KANK4: variants seen among roughly 807,000 people sequenced by gnomAD.
KANK4 encodes the protein KN motif and ankyrin repeat domains 4.
KANK4 carries 50 observed loss-of-function variants against 80.8 expected under a neutral mutation model. The ratio of observed to expected loss-of-function variants is 0.62; its 90% CI spans 0.49 to 0.78. The LOEUF is 0.78. KANK4 is among the 30% of genes least tolerant of loss of function. KANK4 has a pLI of 0.00. For missense variants in KANK4, 1,196 were observed against 1,240.1 expected, an observed-to-expected ratio of 0.96 and a Z score of 0.53; for synonymous variants, 465 against 506.9, an observed-to-expected ratio of 0.92 and a Z score of 1.11.
At chr1:62,290,865 C>T (rs1672664583) in intron 1 of KANK4, among the ~76,000 whole-genome samples, 1 of 151,966 alleles carries the variant, frequency 6.6e-6, no homozygotes, top group South Asian at 2.1e-4. Context: ...CTGCCTCAGT[C>T]TCCCAAATAG....
At chr1:62,314,942 C>T (rs899136370) in intron 1 of KANK4, among the ~76,000 whole-genome samples, 2 of 152,186 alleles carry the variant, frequency 1.3e-5, no homozygotes, top group African/African-American at 2.4e-5. Flanking sequence ...TCTATAACTG[C>T]CCATGTATCA....
rs1465805174 is a variant in KANK4 at position 62,268,481 on chromosome 1, C to T, written c.2037G>A (p.Glu679=). The T allele has an allele frequency of 6.2e-7, 1 of 1,613,628 alleles. No homozygotes were observed. Among genetic ancestry groups the T allele is most frequent in the African/African-American group, 1.3e-5 (1 of 74,946 alleles). ...CTGGGGTGCTGTCCTCACCGCTGGT[C>T]TCCTCACTTGAGGTGGTCTCATACC... is the stretch of plus-strand genomic sequence containing the variant. ...NGGYETTSSE[E]TSGEDSTPED... The change falls in exon 5 of 10, where the codon GAG becomes GAA. Residue 679 remains glutamate (E), a synonymous_variant. Coordinates refer to ENST00000371153, the MANE Select transcript of KANK4 (RefSeq NM_181712.5).
chr1:62,305,980 ACTCTCT>A (rs58731873), intron 1 of KANK4, among the ~76,000 whole-genome samples: 1 of 149,512 alleles, frequency 6.7e-6, no homozygotes, highest in East Asian at 2.0e-4. Flanking sequence ...CCCATTACAG[ACTCTCT>A]CTCTCTCTCT....
chr1:62,282,679 C>T (rs1193340205), intron 1 of KANK4, among the ~76,000 whole-genome samples: 1 of 152,224 alleles, frequency 6.6e-6, no homozygotes, highest in Admixed American at 6.5e-5. Context: ...AAGTTTGCCA[C>T]CAGAAAGTTT....
At chr1:62,308,296 T>A (rs928527401) in intron 1 of KANK4, among the ~76,000 whole-genome samples, 5 of 152,166 alleles carry the variant, frequency 3.3e-5, no homozygotes, top group Non-Finnish European at 7.4e-5. Context: ...GGCGCCTGCA[T>A]GGAGAGGGGC....
intron 6 of KANK4, among the ~76,000 whole-genome samples, chr1:62,265,168 T>A (rs1671990455): frequency 6.6e-6 from 1 of 151,864 alleles, no homozygotes; most frequent in South Asian, 2.1e-4. Flanking sequence ...AGAAAGACCT[T>A]AGTTCGATAA....
intron 7 of KANK4, among the ~76,000 whole-genome samples, chr1:62,256,502 C>T (rs1671754817): frequency 6.6e-6 from 1 of 152,038 alleles, no homozygotes; most frequent in Non-Finnish European, 1.5e-5. Context: ...TTTCCTGCCT[C>T]AGCCTGAATA....
At chr1:62,267,290 C>A (rs1672045096) in intron 5 of KANK4, among the ~76,000 whole-genome samples, 1 of 135,628 alleles carries the variant, frequency 7.4e-6, no homozygotes, top group Non-Finnish European at 1.6e-5. Flanking sequence ...CTAACAGAGT[C>A]AGTAATATGA....
At chr1:62,272,929 T>C in intron 3 of KANK4, 1 of 247,418 alleles carries the variant, frequency 4.0e-6, no homozygotes, top group Non-Finnish European at 7.6e-6. Flanking sequence ...TAGCTGGGAT[T>C]ACAGGCTCCT....
In KANK4 at chr1:62,256,982, T is replaced by C. The variant is rs543564571; in HGVS notation, c.2540-3773A>G. On this transcript the variant is annotated intron_variant, in intron 7 of 9. Coordinates refer to ENST00000371153, the MANE Select transcript of KANK4 (RefSeq NM_181712.5). ...AGGAGCCTCAGCTTATCAGTTCTCT[T>C]TTATCTCTTTAGAAACATGATTTTT... 5.9e-5 allele frequency among the ~76,000 whole-genome samples: 9 copies of C among 152,330 alleles called. No individual in the cohort carries two copies. The East Asian group carries it at 1.5e-3, about 26-fold the overall frequency.
In KANK4 at chr1:62,274,185, T is replaced by C. The variant is rs1557489529; in HGVS notation, c.919A>G (p.Ile307Val). 2.5e-6 allele frequency: 4 copies of C among 1,614,148 alleles called. No individual in the cohort carries two copies. Among genetic ancestry groups the C allele is most frequent in the East Asian group, 2.2e-5 (1 of 44,866 alleles). ...ELLLEEIELNISEIPPPPPVE... is the reference protein window; with the variant it reads ...ELLLEEIELNVSEIPPPPPVE... ...GGTGGCGGGGGTGGAATCTCGCTGA[T>C]GTTGAGCTCGATTTCTTCCAGGAGG... The change falls in exon 3 of 10, where the codon ATC (isoleucine) becomes GTC (valine). Residue 307 changes from isoleucine (I) to valine (V), a missense_variant. Ile to Val is a conservative substitution (Grantham distance 29). Coordinates refer to ENST00000371153, the MANE Select transcript of KANK4 (RefSeq NM_181712.5).
chr1:62,272,764 G>C (rs1557487430), intron 3 of KANK4: 1 of 152,536 alleles, frequency 6.6e-6, no homozygotes, highest in Non-Finnish European at 1.5e-5. Context: ...TATTCCACTG[G>C]GTTCCTGGAA....
intron 4 of KANK4, among the ~76,000 whole-genome samples, chr1:62,269,342 C>G (rs1672104506): frequency 6.6e-6 from 1 of 152,220 alleles, no homozygotes; most frequent in South Asian, 2.1e-4. Flanking sequence ...GACACAGCCA[C>G]AGAGACTGGT....
intron 6 of KANK4, among the ~76,000 whole-genome samples, chr1:62,266,247 T>C (rs1365711582): frequency 6.6e-6 from 1 of 152,218 alleles, no homozygotes; most frequent in African/African-American, 2.4e-5. Flanking sequence ...CAGGCAGCAG[T>C]GCTTGGGTAA....
In KANK4 at chr1:62,301,600, G is replaced by C. The variant is rs1644412615; in HGVS notation, c.-71+17506C>G. ...CTTTGGAGTGTGTGGATCCGGGTCT[G>C]AATCCCAGCTCTGCCACTTACCAGT... is the stretch of plus-strand genomic sequence containing the variant. On this transcript the variant is annotated intron_variant, in intron 1 of 9. Coordinates refer to ENST00000371153, the MANE Select transcript of KANK4 (RefSeq NM_181712.5). 3.3e-5 allele frequency among the ~76,000 whole-genome samples: 5 copies of C among 151,294 alleles called. 1 individual carries two copies. The South Asian group carries it at 1.0e-3, about 32-fold the overall frequency.
intron 5 of KANK4, among the ~76,000 whole-genome samples, chr1:62,267,801 C>CA (rs59851783): frequency 0.16 from 20,606 of 126,420 alleles, 2,102 homozygotes; most frequent in African/African-American, 0.29. Flanking sequence ...GACTCCGTCT[C>CA]AAAAAAAAAA....
chr1:62,276,055 T>C (rs145896477), intron 2 of KANK4, among the ~76,000 whole-genome samples: 21 of 151,858 alleles, frequency 1.4e-4, no homozygotes, highest in African/African-American at 4.6e-4. Flanking sequence ...GAATGGGACT[T>C]GACTTTCCAG....
intron 9 of KANK4, among the ~76,000 whole-genome samples, chr1:62,242,852 T>C (rs767703104): frequency 1.3e-5 from 2 of 152,168 alleles, no homozygotes; most frequent in Non-Finnish European, 2.9e-5. Context: ...CCTCTAAATG[T>C]GAAGCACCAG....
intron 6 of KANK4, among the ~76,000 whole-genome samples, chr1:62,265,136 G>T (rs1223887476): frequency 1.3e-5 from 2 of 151,796 alleles, no homozygotes; most frequent in African/African-American, 4.8e-5. Context: ...CGGTCGAGTG[G>T]TGGATTTTGA....
Sources: allele counts gnomAD v4.1 joint callset (sites outside exome capture counted in the v4.1 genomes callset), GRCh38; gene constraint gnomAD v4.1.1; transcripts MANE v1.5; gene names NCBI Gene and HGNC (gene_info 2026-07-23, HGNC 2026-07-21).